RBFOX1: variants seen among roughly 807,000 people sequenced by gnomAD.
RBFOX1 encodes the protein RNA binding fox-1 homolog 1.
A neutral mutation model predicts 57.7 loss-of-function variants in RBFOX1; 8 were observed. The observed-to-expected ratio is 0.14, with a 90% CI of 0.08 to 0.25. The LOEUF (loss-of-function observed/expected upper bound fraction) is 0.25, where lower values mean the gene tolerates loss of function less well. Among genes scored for constraint, RBFOX1 ranks in the 10% least tolerant of loss-of-function variants. The pLI is 1.00. For synonymous variants in RBFOX1, 326 were observed against 222.4 expected (o/e 1.47, Z -4.15); for missense variants, 611 against 548.5 (o/e 1.11, Z -1.14).
At chr16:6,171,176 C>T (rs1469030005) in intron 1 of RBFOX1, among the ~76,000 whole-genome samples, 1 of 152,156 alleles carries the variant, frequency 6.6e-6, no homozygotes, top group East Asian at 1.9e-4. Flanking sequence ...CTTCTTCCCT[C>T]TCTCCTTCTT....
chr16:6,153,019 C>G lies in RBFOX1; in HGVS notation c.-127+133027C>G, dbSNP rs186851547. On this transcript the variant is annotated intron_variant, in intron 1 of 15. Transcript: ENST00000550418. ...TATTGGATATCTCTCTTAAAAGGGG[C>G]ATAGTTATTTTCTGTTTTTTTTTTT... Among the ~76,000 whole-genome samples the G allele has an allele frequency of 3.8e-4, 55 of 146,624 alleles. 1 individual carries two copies. The East Asian group carries it at 8.1e-3, about 22-fold the overall frequency.
At chr16:6,605,705 T>G (rs1315159616) in intron 2 of RBFOX1, among the ~76,000 whole-genome samples, 1 of 152,216 alleles carries the variant, frequency 6.6e-6, no homozygotes, top group Non-Finnish European at 1.5e-5. Flanking sequence ...AGGGCCTAGA[T>G]GCTGTGTCAG....
intron 2 of RBFOX1, among the ~76,000 whole-genome samples, chr16:5,477,163 T>C (rs1042390209): frequency 6.6e-6 from 1 of 152,166 alleles, no homozygotes; most frequent in African/African-American, 2.4e-5. Context: ...CACAGGCGCA[T>C]GCCACTACAT....
chr16:7,376,184 A>G (rs1029633913), intron 4 of RBFOX1, among the ~76,000 whole-genome samples: 1 of 152,340 alleles, frequency 6.6e-6, no homozygotes, highest in East Asian at 1.9e-4. Context: ...TTTATGAGCT[A>G]TGTCAATATA....
intron 4 of RBFOX1, among the ~76,000 whole-genome samples, chr16:7,182,301 A>T (rs8046426): frequency 0.62 from 93,773 of 151,890 alleles, 29,245 homozygotes; most frequent in African/African-American, 0.69. Context: ...GAATTCCGAG[A>T]GTCACCTGCC....
intron 3 of RBFOX1, among the ~76,000 whole-genome samples, chr16:5,681,730 C>T (rs772862498): frequency 3.2e-4 from 48 of 151,974 alleles, no homozygotes; most frequent in East Asian, 1.9e-4. Flanking sequence ...ATAAAATTGA[C>T]GTAATGCAAA....
intron 1 of RBFOX1, among the ~76,000 whole-genome samples, chr16:5,411,221 T>C (rs908406170): frequency 1.3e-5 from 2 of 152,224 alleles, no homozygotes; most frequent in Admixed American, 1.3e-4. Flanking sequence ...TCACCTTGCA[T>C]GGCGAAAGGG....
At chr16:7,308,274 C>T (rs1044935407) in intron 4 of RBFOX1, among the ~76,000 whole-genome samples, 4 of 145,070 alleles carry the variant, frequency 2.8e-5, no homozygotes, top group Non-Finnish European at 6.0e-5. Context: ...ATGCAAACTG[C>T]GTGTCAGATT....
At chr16:7,180,381 T>A (rs896371885) in intron 4 of RBFOX1, among the ~76,000 whole-genome samples, 2 of 152,144 alleles carry the variant, frequency 1.3e-5, no homozygotes, top group Non-Finnish European at 2.9e-5. Flanking sequence ...GGACAGCATC[T>A]CTGGAAGTCT....
intron 3 of RBFOX1, among the ~76,000 whole-genome samples, chr16:5,736,974 C>G (rs2052599892): frequency 6.7e-6 from 1 of 149,880 alleles, no homozygotes; most frequent in Admixed American, 6.7e-5. Context: ...TCACTTTATT[C>G]CTATCTTTCT....
chr16:6,770,511 A>G (rs2154211488), intron 3 of RBFOX1, among the ~76,000 whole-genome samples: 1 of 152,342 alleles, frequency 6.6e-6, no homozygotes, highest in East Asian at 1.9e-4. Flanking sequence ...TAGCCCTGCA[A>G]GTCGAAAATA....
intron 1 of RBFOX1, among the ~76,000 whole-genome samples, chr16:5,375,368 C>G (rs992004923): frequency 1.3e-4 from 20 of 152,236 alleles, no homozygotes; most frequent in Non-Finnish European, 2.9e-4. Context: ...GAAACTGTGG[C>G]TGCAGCCAAG....
At chr16:7,399,157 G>T (rs558399003) in intron 4 of RBFOX1, among the ~76,000 whole-genome samples, 105 of 152,276 alleles carry the variant, frequency 6.9e-4, no homozygotes, top group African/African-American at 2.3e-3. Context: ...TTTTTAAAAA[G>T]CAATGTCGGG....
At chr16:5,796,302 T>C (rs1282253355) in intron 3 of RBFOX1, among the ~76,000 whole-genome samples, 1 of 152,166 alleles carries the variant, frequency 6.6e-6, no homozygotes, top group Non-Finnish European at 1.5e-5. Flanking sequence ...AAACATGTTA[T>C]GGGAAAGAGG....
chr16:7,336,966 C>G (rs1051366673), intron 4 of RBFOX1, among the ~76,000 whole-genome samples: 9 of 152,070 alleles, frequency 5.9e-5, no homozygotes, highest in African/African-American at 1.9e-4. Context: ...AGGGTGTTGT[C>G]CTAGACCCTG....
chr16:6,795,946 C>A (rs574961211), intron 3 of RBFOX1, among the ~76,000 whole-genome samples: 1 of 151,948 alleles, frequency 6.6e-6, no homozygotes, highest in Non-Finnish European at 1.5e-5. Context: ...CATTGAGAAA[C>A]ATTGGGATAA....
chr16:7,334,317 G>A (rs563587419), intron 4 of RBFOX1, among the ~76,000 whole-genome samples: 1 of 152,188 alleles, frequency 6.6e-6, no homozygotes, highest in Non-Finnish European at 1.5e-5. Flanking sequence ...CCTTTGCAGC[G>A]TGGAACTTGT....
chr16:6,615,231 T>C (rs2098125310), intron 2 of RBFOX1, among the ~76,000 whole-genome samples: 1 of 152,204 alleles, frequency 6.6e-6, no homozygotes, highest in Non-Finnish European at 1.5e-5. Context: ...TACAGAGAAC[T>C]TCCCAGTGGA....
At chr16:5,376,961 C>T (rs1041158660) in intron 1 of RBFOX1, among the ~76,000 whole-genome samples, 1 of 151,552 alleles carries the variant, frequency 6.6e-6, no homozygotes, top group East Asian at 1.9e-4. Context: ...CCTCCCTTCT[C>T]CAAGTCTCTT....
Sources: allele counts gnomAD v4.1 joint callset (sites outside exome capture counted in the v4.1 genomes callset), GRCh38; gene constraint gnomAD v4.1.1; transcripts MANE v1.5; gene names NCBI Gene and HGNC (gene_info 2026-07-23, HGNC 2026-07-21).